Variants in ZFHX3 observed in about 807,000 individuals in gnomAD.
The protein encoded by ZFHX3 is zinc finger homeobox protein 3.
ZFHX3 carries 42 observed loss-of-function variants against 279.1 expected under a neutral mutation model. That is an observed-to-expected ratio of 0.15 (90% CI 0.12 to 0.19). The LOEUF is 0.19. ZFHX3 is among the 10% of genes least tolerant of loss of function. The pLI, the probability that ZFHX3 is intolerant of heterozygous loss-of-function variation, is 1.00. For synonymous variants in ZFHX3, 2,293 were observed against 1,957.8 expected, an observed-to-expected ratio of 1.17 and a Z score of -4.52; for missense variants, 4,981 against 4,754.0, an observed-to-expected ratio of 1.05 and a Z score of -1.40.
intron 1 of ZFHX3, among the ~76,000 whole-genome samples, chr16:73,733,305 C>T (rs1446261858): frequency 6.6e-6 from 1 of 152,042 alleles, no homozygotes; most frequent in African/African-American, 2.4e-5. Flanking sequence ...AGAAGACATA[C>T]CAAAAACATG....
chr16:72,961,873 G>C (rs1198605280), intron 1 of ZFHX3, among the ~76,000 whole-genome samples: 2 of 144,022 alleles, frequency 1.4e-5, no homozygotes, highest in African/African-American at 5.2e-5. Flanking sequence ...TTAAAACAGA[G>C]ATGACTACAG....
At chr16:73,687,065 T>TATATATATATATATATATATA (rs2053096293) in intron 1 of ZFHX3, among the ~76,000 whole-genome samples, 2 of 120,252 alleles carry the variant, frequency 1.7e-5, no homozygotes, top group Non-Finnish European at 3.5e-5. Context: ...TATATATATA[T>TATATATATATATATATATATA]TTGCAGCTTT....
At chr16:73,432,711 G>C (rs566853173) in intron 3 of ZFHX3, among the ~76,000 whole-genome samples, 3 of 152,340 alleles carry the variant, frequency 2.0e-5, no homozygotes, top group Admixed American at 1.3e-4. Context: ...AGCAATGTCA[G>C]CATCAGGGAC....
intron 2 of ZFHX3, among the ~76,000 whole-genome samples, chr16:73,646,475 T>C (rs1219207889): frequency 6.6e-6 from 1 of 151,862 alleles, no homozygotes; most frequent in Non-Finnish European, 1.5e-5. Context: ...AAAACAATAA[T>C]GATAACTCCA....
rs1259078113 is a variant in ZFHX3, at chr16:72,784,448, T to C, written c.*2716A>G. 2.6e-5 allele frequency: 4 copies of C among 152,536 alleles called. No homozygotes were observed. The highest frequency in any genetic ancestry group is 9.7e-5 in the African/African-American group (4 of 41,436). The allele number at this position is 152,536 out of a possible 1,614,324, so 9.4% of individuals were successfully genotyped here. A position where few individuals can be genotyped will look rare whatever the true frequency, so the allele number is the denominator to read the frequency against. On this transcript the variant is annotated 3_prime_UTR_variant, in exon 10 of 10. Transcript: ENST00000268489. ...TTTGACAGGTAAAGCTAGTGTTACA[T>C]TGTTAACTGATATCACATAGAGAAC...
intron 4 of ZFHX3, among the ~76,000 whole-genome samples, chr16:73,273,606 C>T (rs988931529): frequency 6.6e-6 from 1 of 152,156 alleles, no homozygotes; most frequent in Non-Finnish European, 1.5e-5. Flanking sequence ...GAAAATAAAT[C>T]CCAGAGATGT....
intron 3 of ZFHX3, among the ~76,000 whole-genome samples, chr16:73,362,050 G>A (rs1168724373): frequency 6.6e-6 from 1 of 152,170 alleles, no homozygotes; most frequent in African/African-American, 2.4e-5. Flanking sequence ...AACTCCATCT[G>A]GGACAACTTG....
intron 2 of ZFHX3, among the ~76,000 whole-genome samples, chr16:73,526,146 T>C (rs1364935919): frequency 6.6e-6 from 1 of 152,238 alleles, no homozygotes; most frequent in East Asian, 1.9e-4. Context: ...GCGTGGCCAG[T>C]CCAGGGCAGC....
intron 1 of ZFHX3, among the ~76,000 whole-genome samples, chr16:73,889,703 T>C (rs748087924): frequency 2.6e-5 from 4 of 152,174 alleles, no homozygotes; most frequent in Non-Finnish European, 4.4e-5. Flanking sequence ...TATGGGTTAA[T>C]TCTCACACAC....
chr16:72,984,850 C>T (rs1419068350), intron 1 of ZFHX3, among the ~76,000 whole-genome samples: 2 of 151,992 alleles, frequency 1.3e-5, no homozygotes. Flanking sequence ...AATTTATATG[C>T]ATTACATGTT....
At position 72,795,598 on chromosome 16, in the gene ZFHX3, C is replaced by T. The variant is rs761486040; in HGVS notation, c.7084G>A (p.Asp2362Asn). Residue 2362 changes from aspartate to asparagine, a missense_variant, in exon 9 of 10, where the codon GAC becomes AAC. Asp to Asn is a conservative substitution (Grantham distance 23, BLOSUM62 1). Transcript: ENST00000268489. ...YKDEDEEGQD[D>N]SQNEDSMDAM... is the part of the protein sequence containing the mutation. ...TCCATGGAATCCTCATTTTGGCTGT[C>T]GTCCTGCCCCTCCTCATCCTCATCC... 27 of 1,613,700 alleles carry T rather than the reference C, an allele frequency of 1.7e-5. No individual in the cohort carries two copies. The highest frequency in any genetic ancestry group is 1.3e-4 in the East Asian group (6 of 44,872).
chr16:72,824,099 C>G (rs1334851519), intron 5 of ZFHX3, among the ~76,000 whole-genome samples: 2 of 152,124 alleles, frequency 1.3e-5, no homozygotes, highest in African/African-American at 4.8e-5. Context: ...TAGATTTGCA[C>G]CAGGATGTGC....
chr16:73,446,447 T>G (rs2018186712), intron 3 of ZFHX3, among the ~76,000 whole-genome samples: 1 of 152,068 alleles, frequency 6.6e-6, no homozygotes, highest in African/African-American at 2.4e-5. Flanking sequence ...TCAGATCTCA[T>G]AAAAGAACCC....
chr16:73,427,781 A>AG (rs1310541431), intron 3 of ZFHX3, among the ~76,000 whole-genome samples: 1 of 152,042 alleles, frequency 6.6e-6, no homozygotes. Context: ...TAAAAAAAAA[A>AG]AAAATACAAA....
At chr16:73,725,317 G>C (rs16972391) in intron 1 of ZFHX3, among the ~76,000 whole-genome samples, 2,827 of 152,294 alleles carry the variant, frequency 0.019, 82 homozygotes, top group African/African-American at 0.065. Flanking sequence ...GGCCACAAAA[G>C]GGCCCTGTTT....
At chr16:73,058,696 T>TGGCGGCGGCGGC (rs552488803) in exon 1 of ZFHX3, 166 of 169,960 alleles carry the variant, frequency 9.8e-4, no homozygotes, top group Non-Finnish European at 1.2e-3. Context: ...GACGCGCTGC[T>TGGCGGCGGCGGC]GGCGGCGGCG....
At chr16:73,656,473 G>A (rs2052722009) in intron 2 of ZFHX3, among the ~76,000 whole-genome samples, 1 of 152,192 alleles carries the variant, frequency 6.6e-6, no homozygotes. Flanking sequence ...ATTGAACTGA[G>A]TTACCTCTAG....
chr16:73,787,646 T>C (rs1390533875), intron 1 of ZFHX3, among the ~76,000 whole-genome samples: 1 of 152,188 alleles, frequency 6.6e-6, no homozygotes, highest in Non-Finnish European at 1.5e-5. Flanking sequence ...AAGTTTATTA[T>C]GTGGTAAATC....
chr16:73,098,386 G>C (rs1966193024), intron 7 of ZFHX3, among the ~76,000 whole-genome samples: 1 of 151,518 alleles, frequency 6.6e-6, no homozygotes, highest in Non-Finnish European at 1.5e-5. Flanking sequence ...CTTTGAGATG[G>C]AGTTTTGCTC....
Sources: gnomAD v4.1 joint callset for allele counts (sites outside exome capture counted in the v4.1 genomes callset) on GRCh38, gnomAD v4.1.1 for gene constraint, MANE v1.5 for transcripts, NCBI Gene and HGNC (gene_info 2026-07-23, HGNC 2026-07-21) for gene names.